Variants in RBKS observed in about 807,000 individuals in gnomAD.
The protein encoded by RBKS is ribokinase.
Under a neutral mutation model 33.9 loss-of-function variants are expected in RBKS, and 33 were observed. That is an observed-to-expected ratio of 0.97 (90% confidence interval 0.74 to 1.30). The LOEUF (loss-of-function observed/expected upper bound fraction) is 1.30, where lower values mean the gene tolerates loss of function less well. Ranked by LOEUF, RBKS falls within the 50% of genes most tolerant of loss-of-function variation. RBKS has a pLI of 0.00. For synonymous variants in RBKS, 125 were observed against 143.0 expected, an observed-to-expected ratio of 0.87 and a Z score of 0.90; for missense variants, 361 against 392.6, an observed-to-expected ratio of 0.92 and a Z score of 0.68.
chr2:27,811,997 T>TG (rs1310317991), intron 7 of RBKS, among the ~76,000 whole-genome samples: 2 of 152,226 alleles, frequency 1.3e-5, no homozygotes, highest in African/African-American at 4.8e-5. Flanking sequence ...CTAAGCAGTT[T>TG]GGGTTGTGAA....
chr2:27,863,450 GCT>G (rs1249425435), intron 1 of RBKS, among the ~76,000 whole-genome samples: 1 of 152,198 alleles, frequency 6.6e-6, no homozygotes, highest in East Asian at 1.9e-4. Flanking sequence ...TGGGTTTTGT[GCT>G]CTGAGTTAAT....
intron 2 of RBKS, among the ~76,000 whole-genome samples, chr2:27,856,230 T>C (rs1663853447): frequency 6.6e-6 from 1 of 152,256 alleles, no homozygotes; most frequent in South Asian, 2.1e-4. Context: ...TGCAGTCATG[T>C]TTTTTGATCC....
chr2:27,820,549 T>TTCTCTCTCTC (rs10534268), intron 7 of RBKS, among the ~76,000 whole-genome samples: 2 of 147,864 alleles, frequency 1.4e-5, no homozygotes, highest in Non-Finnish European at 1.5e-5. Flanking sequence ...AGATTTACTA[T>TTCTCTCTCTC]TCTCTCTCTC....
rs564026785 is a variant in RBKS at position 27,795,995 on chromosome 2, A to C, written c.796-14207T>G. On this transcript the variant is annotated intron_variant, in intron 7 of 7. Coordinates refer to ENST00000302188, the MANE Select transcript of RBKS (RefSeq NM_022128.3). This position sits in a 1 kb window ranked among gnomAD's most constrained non-coding sequence, Gnocchi z 4.1. ...GACCTGACTTATTGGTCCTGGTTCT[A>C]TCATGTTCTTCTCTTCCCATGATCT... 6.6e-6 allele frequency among the ~76,000 whole-genome samples: 1 copy of C among 152,080 alleles called. No homozygotes were observed.
chr2:27,847,227 T>TAA, intron 3 of RBKS, 123 bp from the exon 4 acceptor site: 1 of 542,966 alleles, frequency 1.8e-6, no homozygotes, highest in Non-Finnish European at 3.3e-6. Context: ...TCTGGAATGA[T>TAA]AAAAAAAAAT....
chr2:27,853,654 T>G (rs1002197299), intron 2 of RBKS, among the ~76,000 whole-genome samples: 2 of 152,078 alleles, frequency 1.3e-5, no homozygotes, highest in Non-Finnish European at 2.9e-5. Context: ...TGAGATCCTG[T>G]CTCAGAAAAA....
At chr2:27,840,562 T>TA (rs1314107143) in intron 5 of RBKS, among the ~76,000 whole-genome samples, 2 of 152,052 alleles carry the variant, frequency 1.3e-5, no homozygotes, top group Non-Finnish European at 2.9e-5. Flanking sequence ...CTATTGGGGT[T>TA]ACAGTGCTGA....
intron 5 of RBKS, among the ~76,000 whole-genome samples, chr2:27,842,659 C>CTT (rs200985638): frequency 9.8e-5 from 14 of 142,998 alleles, no homozygotes; most frequent in African/African-American, 3.3e-4. Flanking sequence ...TTCAGGAATT[C>CTT]TTTTTTTTTT....
chr2:27,878,159 C>T (rs1664350846), intron 1 of RBKS, among the ~76,000 whole-genome samples: 1 of 151,746 alleles, frequency 6.6e-6, no homozygotes, highest in South Asian at 2.1e-4. Flanking sequence ...TTAGGTATAT[C>T]TCCTAATGCT....
At chr2:27,826,701 G>A (rs1217674625) in intron 7 of RBKS, among the ~76,000 whole-genome samples, 1 of 152,124 alleles carries the variant, frequency 6.6e-6, no homozygotes, top group African/African-American at 2.4e-5. Flanking sequence ...GTGGCGCCTG[G>A]CAAGCTCTTC....
intron 2 of RBKS, among the ~76,000 whole-genome samples, chr2:27,849,697 T>A (rs1663700591): frequency 6.6e-6 from 1 of 152,082 alleles, no homozygotes; most frequent in East Asian, 1.9e-4. Context: ...GACTGGATCC[T>A]GTGACCACAT....
intron 5 of RBKS, among the ~76,000 whole-genome samples, chr2:27,835,078 C>A (rs1210066563): frequency 6.6e-6 from 1 of 151,928 alleles, no homozygotes; most frequent in Non-Finnish European, 1.5e-5. Flanking sequence ...GAGTTTGAGA[C>A]CAGCCTGACC....
intron 4 of RBKS, among the ~76,000 whole-genome samples, chr2:27,844,452 G>A (rs1663580908): frequency 2.0e-5 from 3 of 152,130 alleles, no homozygotes; most frequent in South Asian, 4.1e-4. Context: ...GAGTGCAGTC[G>A]TGCGATCTTG....
chr2:27,784,016 C>T (rs1266443090), intron 7 of RBKS, among the ~76,000 whole-genome samples: 1 of 70,026 alleles, frequency 1.4e-5, no homozygotes, highest in African/African-American at 5.7e-5. Context: ...CGGAGTCTCG[C>T]TCTGTCGCCC....
chr2:27,781,894 C>T (rs562670927), intron 7 of RBKS, 106 bp from the exon 8 acceptor site: 5 of 1,020,656 alleles, frequency 4.9e-6, no homozygotes, highest in South Asian at 3.5e-5. Flanking sequence ...TTTAGATTTA[C>T]AGAAAAGGTA....
At chr2:27,889,070 C>T (rs769265476) in intron 1 of RBKS, among the ~76,000 whole-genome samples, 1 of 152,260 alleles carries the variant, frequency 6.6e-6, no homozygotes. Flanking sequence ...CAGTCTCCTA[C>T]TCATCCTCAA....
Position 27,799,537 on chromosome 2 carries a change from C to G in RBKS, c.796-17749G>C, listed in dbSNP as rs1677732868. 2.6e-5 allele frequency among the ~76,000 whole-genome samples: 4 copies of G among 152,214 alleles called. No individual in the cohort carries two copies. In the South Asian group the frequency reaches 8.3e-4, roughly 31 times the overall value. On this transcript the variant is annotated intron_variant, in intron 7 of 7. Coordinates refer to ENST00000302188, the MANE Select transcript of RBKS (RefSeq NM_022128.3). ...TGTGGACATGAATTCCTCAGCCATG[C>G]TTGTGGTTTTAGAAGCCAGGGAAAA...
chr2:27,781,874 T>A, intron 7 of RBKS, 86 bp from the exon 8 acceptor site: 2 of 1,206,860 alleles, frequency 1.7e-6, no homozygotes, highest in Non-Finnish European at 2.3e-6. Flanking sequence ...TAAGTAAACT[T>A]AATTTTAGTT....
intron 3 of RBKS, among the ~76,000 whole-genome samples, chr2:27,847,578 A>C (rs1297486583): frequency 1.3e-5 from 2 of 152,238 alleles, no homozygotes; most frequent in African/African-American, 4.8e-5. Context: ...TGGTAGCAGC[A>C]AAGAGCCCTG....
Sources: allele counts gnomAD v4.1 joint callset (sites outside exome capture counted in the v4.1 genomes callset), GRCh38; gene constraint gnomAD v4.1.1; non-coding constraint Gnocchi (gnomAD v3.1); transcripts MANE v1.5; gene names NCBI Gene and HGNC (gene_info 2026-07-23, HGNC 2026-07-21).